ZMYM2: variants seen among roughly 807,000 people sequenced by gnomAD.
ZMYM2 encodes the protein zinc finger MYM-type containing 2, also known as zinc finger MYM-type protein 2.
Under a neutral mutation model 162.8 loss-of-function variants are expected in ZMYM2, and 56 were observed. The ratio of observed to expected loss-of-function variants is 0.34; its 90% confidence interval spans 0.28 to 0.43. The LOEUF is 0.43. Ranked by LOEUF, ZMYM2 falls within the 20% of genes least tolerant of loss-of-function variation. The pLI, the probability that ZMYM2 is intolerant of heterozygous loss-of-function variation, is 1.00. For missense variants in ZMYM2, 1,275 were observed against 1,621.8 expected (o/e 0.79, Z 3.67); for synonymous variants, 510 against 541.6 (o/e 0.94, Z 0.81).
the ZMYM2 span, among the ~76,000 whole-genome samples, chr13:19,907,120 T>C: frequency 6.6e-6 from 1 of 152,216 alleles, no homozygotes; most frequent in African/African-American, 2.4e-5. Context: ...GAAACATCTA[T>C]CTATTATCTC....
chr13:19,885,445 T>G, the ZMYM2 span, among the ~76,000 whole-genome samples: 1 of 152,166 alleles, frequency 6.6e-6, no homozygotes, highest in South Asian at 2.1e-4. Flanking sequence ...TTTCTCTCCA[T>G]TACTGAGATA....
At chr13:20,003,652 A>T (rs554700817) in intron 4 of ZMYM2, among the ~76,000 whole-genome samples, 46 of 128,740 alleles carry the variant, frequency 3.6e-4, no homozygotes, top group African/African-American at 7.3e-4. Context: ...TTTTTTTTTT[A>T]GGCAGAGTCT....
the ZMYM2 span, among the ~76,000 whole-genome samples, chr13:19,945,132 T>A: frequency 6.6e-6 from 1 of 152,218 alleles, no homozygotes; most frequent in Non-Finnish European, 1.5e-5. Context: ...TTGAAGTTGG[T>A]TACAAATCAA....
At chr13:20,073,998 T>G (rs1957284026) in intron 21 of ZMYM2, among the ~76,000 whole-genome samples, 1 of 152,214 alleles carries the variant, frequency 6.6e-6, no homozygotes, top group South Asian at 2.1e-4. Flanking sequence ...AACTCTGTAC[T>G]CATTAAATAA....
chr13:19,945,340 C>T, the ZMYM2 span, among the ~76,000 whole-genome samples: 3 of 152,068 alleles, frequency 2.0e-5, no homozygotes, highest in Admixed American at 1.3e-4. Context: ...CAACCTCTGC[C>T]TCCCGGGTTC....
chr13:19,889,530 G>A, the ZMYM2 span, among the ~76,000 whole-genome samples: 2 of 151,794 alleles, frequency 1.3e-5, no homozygotes, highest in African/African-American at 4.9e-5. Context: ...ATGTTGGCCA[G>A]GTTGGTCTCA....
At chr13:20,035,377 A>T (rs1047563118) in intron 11 of ZMYM2, among the ~76,000 whole-genome samples, 6 of 152,166 alleles carry the variant, frequency 3.9e-5, no homozygotes, top group African/African-American at 1.4e-4. Flanking sequence ...TTTAAATTTA[A>T]TTTTGTACAT....
chr13:20,041,598 A>G (rs1390354875), intron 12 of ZMYM2, among the ~76,000 whole-genome samples: 1 of 152,102 alleles, frequency 6.6e-6, no homozygotes, highest in Non-Finnish European at 1.5e-5. Context: ...TCATGATGTT[A>G]GCTGGTTATT....
the ZMYM2 span, among the ~76,000 whole-genome samples, chr13:19,874,423 G>C: frequency 3.1e-4 from 47 of 151,972 alleles, 2 homozygotes; most frequent in Admixed American, 3.1e-3. Flanking sequence ...TAGAGATGGA[G>C]GGTCTCGCTA....
chr13:19,894,154 G>A, the ZMYM2 span, among the ~76,000 whole-genome samples: 3 of 151,762 alleles, frequency 2.0e-5, no homozygotes, highest in African/African-American at 7.3e-5. Context: ...ATGGGGTTAC[G>A]TCTTGATAAA....
chr13:20,061,464 GTA>G (rs1956226904), intron 17 of ZMYM2, among the ~76,000 whole-genome samples: 3 of 152,200 alleles, frequency 2.0e-5, no homozygotes, highest in Admixed American at 2.0e-4. Flanking sequence ...GATTTGACTT[GTA>G]AAATCAACTC....
intron 2 of ZMYM2, among the ~76,000 whole-genome samples, chr13:19,979,196 C>G (rs907109630): frequency 9.2e-5 from 14 of 152,120 alleles, no homozygotes; most frequent in African/African-American, 3.4e-4. Context: ...AATTTCTGCT[C>G]TCTTTGAGGT....
the ZMYM2 span, among the ~76,000 whole-genome samples, chr13:19,867,639 T>C: frequency 6.6e-6 from 1 of 152,106 alleles, no homozygotes; most frequent in Non-Finnish European, 1.5e-5. Context: ...CTTTTTTTTT[T>C]CTTTGAGATG....
At chr13:20,060,916 A>AG in intron 16 of ZMYM2, 137 bp from the exon 17 acceptor site, 1 of 782,674 alleles carries the variant, frequency 1.3e-6, no homozygotes, top group Non-Finnish European at 2.0e-6. Context: ...TTAACATCTT[A>AG]GTTTTGTATG....
intron 2 of ZMYM2, among the ~76,000 whole-genome samples, chr13:19,975,176 TAAAA>T (rs11291950): frequency 7.0e-6 from 1 of 142,346 alleles, no homozygotes; most frequent in Non-Finnish European, 1.5e-5. Flanking sequence ...CTTCTTTTCT[TAAAA>T]AAAAAAAAAA....
intron 2 of ZMYM2, among the ~76,000 whole-genome samples, chr13:19,987,599 A>G (rs868175016): frequency 0.019 from 2,364 of 125,718 alleles, 74 homozygotes; most frequent in African/African-American, 0.071. Flanking sequence ...GTGTGTGTGT[A>G]TAGGAAAGAT....
chr13:19,927,806 A>G, the ZMYM2 span, among the ~76,000 whole-genome samples: 1 of 152,284 alleles, frequency 6.6e-6, no homozygotes, highest in East Asian at 1.9e-4. Flanking sequence ...CTAACATTTT[A>G]TATTGTTGAA....
intron 2 of ZMYM2, among the ~76,000 whole-genome samples, chr13:19,972,747 T>G (rs147492974): frequency 2.3e-3 from 355 of 152,164 alleles, no homozygotes; most frequent in Non-Finnish European, 4.4e-3. Flanking sequence ...AATAGATAAC[T>G]GCCAAATTGC....
chr13:19,964,092 T>A (rs191262474), intron 2 of ZMYM2, among the ~76,000 whole-genome samples: 6 of 152,248 alleles, frequency 3.9e-5, no homozygotes. Context: ...AAGAGTAAAC[T>A]GGTTGGCCGG....
Sources: allele counts gnomAD v4.1 joint callset (sites outside exome capture counted in the v4.1 genomes callset), GRCh38; gene constraint gnomAD v4.1.1; transcripts MANE v1.5; gene names NCBI Gene and HGNC (gene_info 2026-07-23, HGNC 2026-07-21).